EYA4: variants seen among roughly 807,000 people sequenced by gnomAD.
EYA4 encodes protein phosphatase EYA4.
In EYA4, 31 loss-of-function variants were observed where a neutral mutation model predicts 87.9. That is an observed-to-expected ratio of 0.35 (90% confidence interval 0.27 to 0.48). The LOEUF is 0.48. Among genes scored for constraint, EYA4 ranks in the 20% least tolerant of loss-of-function variants. The pLI is 0.99. For synonymous variants in EYA4, 263 were observed against 270.6 expected (o/e 0.97, Z 0.28); for missense variants, 678 against 761.4 (o/e 0.89, Z 1.29).
chr6:133,309,380 A>G (rs1301972697), intron 2 of EYA4, among the ~76,000 whole-genome samples: 2 of 152,190 alleles, frequency 1.3e-5, no homozygotes, highest in Non-Finnish European at 2.9e-5. Context: ...CCAGAAGTAC[A>G]GTAATGATTC....
At chr6:133,432,690 CT>C (rs1043256060) in intron 3 of EYA4, among the ~76,000 whole-genome samples, 2 of 151,074 alleles carry the variant, frequency 1.3e-5, no homozygotes, top group Non-Finnish European at 3.0e-5. Context: ...GCATGTTCGT[CT>C]TTTTTTTTCA....
At chr6:133,347,010 G>A (rs1783246248) in intron 2 of EYA4, among the ~76,000 whole-genome samples, 1 of 152,216 alleles carries the variant, frequency 6.6e-6, no homozygotes, top group African/African-American at 2.4e-5. Flanking sequence ...GGTTTCTGGA[G>A]AGAGAGTTTA....
chr6:133,526,503 A>T (rs1180700597), intron 19 of EYA4, among the ~76,000 whole-genome samples: 1 of 152,216 alleles, frequency 6.6e-6, no homozygotes, highest in Admixed American at 6.5e-5. Context: ...AGAAAAGGAA[A>T]GCACTTCCAC....
chr6:133,403,432 A>G (rs931581662), intron 3 of EYA4, among the ~76,000 whole-genome samples: 2 of 152,234 alleles, frequency 1.3e-5, no homozygotes, highest in South Asian at 2.1e-4. Flanking sequence ...ACATAGTCAC[A>G]TAAATAATCT....
intron 5 of EYA4, among the ~76,000 whole-genome samples, chr6:133,451,911 T>C (rs978732619): frequency 6.6e-6 from 1 of 152,176 alleles, no homozygotes; most frequent in African/African-American, 2.4e-5. Context: ...AATTAGTATT[T>C]GTGCAATAGA....
rs375072353 is a variant in EYA4 at position 133,431,600 on chromosome 6, A to G, written c.84-15030A>G. ...TTGTATTTGATGAACTTTGTTTTGA[A>G]GCCAGTGCAATATGAAGTGCACCAT... On this transcript the variant is annotated intron_variant, in intron 3 of 19. Transcript: ENST00000355286. Among the ~76,000 whole-genome samples, 19 of 152,324 alleles carry G rather than the reference A, an allele frequency of 1.2e-4. No individual in the cohort carries two copies. The South Asian group carries it at 3.9e-3, about 32-fold the overall frequency.
chr6:133,315,626 C>G (rs1582932066), intron 2 of EYA4, among the ~76,000 whole-genome samples: 1 of 152,082 alleles, frequency 6.6e-6, no homozygotes, highest in East Asian at 1.9e-4. Flanking sequence ...ATGTTGGGAA[C>G]AGAAATGATC....
chr6:133,495,777 A>G (rs556933948), intron 13 of EYA4, among the ~76,000 whole-genome samples: 2 of 152,090 alleles, frequency 1.3e-5, no homozygotes, highest in East Asian at 3.9e-4. Context: ...GTTACAACCC[A>G]GAGTTTCTGA....
intron 13 of EYA4, among the ~76,000 whole-genome samples, chr6:133,495,706 C>T (rs1170751706): frequency 1.3e-5 from 2 of 152,136 alleles, no homozygotes; most frequent in Non-Finnish European, 2.9e-5. Flanking sequence ...AGGAACAGTG[C>T]TTCTGAAACT....
intron 2 of EYA4, among the ~76,000 whole-genome samples, chr6:133,284,297 T>C (rs148241849): frequency 5.1e-4 from 78 of 152,160 alleles, no homozygotes; most frequent in African/African-American, 1.9e-3. Flanking sequence ...GCCCCCCGAG[T>C]AGAGTAACTG....
intron 2 of EYA4, among the ~76,000 whole-genome samples, chr6:133,330,568 T>TACAC (rs57398314): frequency 1.4e-4 from 20 of 143,916 alleles, no homozygotes; most frequent in Admixed American, 1.2e-3. Context: ...TATATATATA[T>TACAC]ACACACACAC....
intron 2 of EYA4, among the ~76,000 whole-genome samples, chr6:133,327,551 GA>G (rs1357405778): frequency 6.6e-6 from 1 of 152,158 alleles, no homozygotes; most frequent in African/African-American, 2.4e-5. Context: ...GGAGCAATTT[GA>G]AATTAACAAA....
chr6:133,376,544 G>A (rs1311827501), intron 2 of EYA4, among the ~76,000 whole-genome samples: 1 of 151,766 alleles, frequency 6.6e-6, no homozygotes, highest in Non-Finnish European at 1.5e-5. Flanking sequence ...CTATTCACTA[G>A]AAGATAATTG....
At chr6:133,508,131 CTGT>C (rs1323412325) in intron 14 of EYA4, among the ~76,000 whole-genome samples, 6 of 151,984 alleles carry the variant, frequency 3.9e-5, no homozygotes, top group Admixed American at 2.0e-4. Context: ...TAGCATTTTG[CTGT>C]TGTTGTTGTT....
chr6:133,351,999 CAGG>C (rs1171257891), intron 2 of EYA4, among the ~76,000 whole-genome samples: 1 of 148,644 alleles, frequency 6.7e-6, no homozygotes, highest in Non-Finnish European at 1.5e-5. Flanking sequence ...AAAAAAAAAA[CAGG>C]AGAAGATAGT....
chr6:133,440,049 C>G (rs1792119527), intron 3 of EYA4, among the ~76,000 whole-genome samples: 1 of 152,214 alleles, frequency 6.6e-6, no homozygotes, highest in Non-Finnish European at 1.5e-5. Flanking sequence ...GCCATCTAAA[C>G]AATTGTTTCC....
chr6:133,314,496 A>G (rs1037768401), intron 2 of EYA4, among the ~76,000 whole-genome samples: 1 of 152,134 alleles, frequency 6.6e-6, no homozygotes, highest in Non-Finnish European at 1.5e-5. Context: ...TTAACTATTC[A>G]TGGTGTAATT....
chr6:133,426,622 G>C (rs1444270097), intron 3 of EYA4, among the ~76,000 whole-genome samples: 2 of 152,168 alleles, frequency 1.3e-5, no homozygotes, highest in South Asian at 4.1e-4. Flanking sequence ...GCTTTCAAAA[G>C]CTCTAGCTAC....
At chr6:133,242,352 T>C (rs1279674889) in intron 1 of EYA4, among the ~76,000 whole-genome samples, 2 of 152,188 alleles carry the variant, frequency 1.3e-5, no homozygotes, top group East Asian at 3.9e-4. Flanking sequence ...TTAATAGTTT[T>C]TATGTGGCGT....
Sources: gnomAD v4.1 joint callset for allele counts (sites outside exome capture counted in the v4.1 genomes callset) on GRCh38, gnomAD v4.1.1 for gene constraint, MANE v1.5 for transcripts, NCBI Gene and HGNC (gene_info 2026-07-23, HGNC 2026-07-21) for gene names.